PTPRD: variants seen among roughly 807,000 people sequenced by gnomAD.
PTPRD encodes the protein receptor-type tyrosine-protein phosphatase delta.
Under a neutral mutation model 214.5 loss-of-function variants are expected in PTPRD, and 34 were observed. The observed-to-expected ratio is 0.16, with a 90% CI of 0.12 to 0.21. The LOEUF is 0.21. Among genes scored for constraint, PTPRD ranks in the 10% least tolerant of loss-of-function variants. The probability of loss-of-function intolerance (pLI) is 1.00; values close to 1 mark genes in which losing one functional copy is unlikely to be tolerated. For missense variants in PTPRD, 2,545 were observed against 2,398.7 expected, an observed-to-expected ratio of 1.06 and a Z score of -1.27; for synonymous variants, 1,128 against 845.7, an observed-to-expected ratio of 1.33 and a Z score of -5.79.
intron 3 of PTPRD, among the ~76,000 whole-genome samples, chr9:10,039,352 T>C (rs1282682702): frequency 2.0e-5 from 3 of 152,074 alleles, no homozygotes; most frequent in Non-Finnish European, 4.4e-5. Context: ...CTATAGCCAA[T>C]TATTTGAATG....
chr9:8,520,247 T>C (rs2097861456), intron 20 of PTPRD, among the ~76,000 whole-genome samples: 1 of 152,212 alleles, frequency 6.6e-6, no homozygotes, highest in Admixed American at 6.5e-5. Flanking sequence ...GTGCTTATTA[T>C]ATTAAGGTTA....
chr9:8,473,055 G>A (rs1444991368), intron 30 of PTPRD, among the ~76,000 whole-genome samples: 1 of 152,182 alleles, frequency 6.6e-6, no homozygotes, highest in African/African-American at 2.4e-5. Flanking sequence ...AGGCCGGAGA[G>A]ACGCATCTGA....
intron 2 of PTPRD, among the ~76,000 whole-genome samples, chr9:10,598,704 G>GT (rs57813093): frequency 0.11 from 12,212 of 108,546 alleles, 688 homozygotes; most frequent in East Asian, 0.28. Flanking sequence ...GTGTGTGTGT[G>GT]GTGTGTGGTG....
chr9:9,275,057 A>AT (rs1372603285), intron 9 of PTPRD, among the ~76,000 whole-genome samples: 5 of 65,954 alleles, frequency 7.6e-5, no homozygotes, highest in Admixed American at 2.4e-4. Context: ...ATATATATGT[A>AT]TATATATATT....
At chr9:9,944,825 A>T (rs903195846) in intron 4 of PTPRD, among the ~76,000 whole-genome samples, 3 of 152,128 alleles carry the variant, frequency 2.0e-5, no homozygotes, top group African/African-American at 7.2e-5. Flanking sequence ...TTTTACTTCA[A>T]ATGAAATGGA....
intron 3 of PTPRD, among the ~76,000 whole-genome samples, chr9:10,150,530 A>C (rs2099053723): frequency 6.6e-6 from 1 of 152,014 alleles, no homozygotes; most frequent in South Asian, 2.1e-4. Context: ...AGGAGGGGGG[A>C]GGGATAGCAT....
chr9:9,797,339 G>A (rs934184022), intron 5 of PTPRD, among the ~76,000 whole-genome samples: 3 of 138,234 alleles, frequency 2.2e-5, no homozygotes, highest in Admixed American at 7.9e-5. Flanking sequence ...TATTTTATAA[G>A]AAAATACTAT....
intron 3 of PTPRD, among the ~76,000 whole-genome samples, chr9:10,221,441 CT>C (rs2099570814): frequency 6.6e-6 from 1 of 151,914 alleles, no homozygotes; most frequent in Non-Finnish European, 1.5e-5. Flanking sequence ...AAGCTTCCAA[CT>C]TTCATTTGTA....
chr9:10,085,682 A>G (rs1211589578), intron 3 of PTPRD, among the ~76,000 whole-genome samples: 1 of 151,816 alleles, frequency 6.6e-6, no homozygotes, highest in Non-Finnish European at 1.5e-5. Context: ...ACACATTCAT[A>G]GACACATACA....
At chr9:9,043,768 G>T (rs1045472809) in intron 10 of PTPRD, among the ~76,000 whole-genome samples, 2 of 152,006 alleles carry the variant, frequency 1.3e-5, no homozygotes, top group Non-Finnish European at 2.9e-5. Context: ...GCTGGAGGTG[G>T]TGGTTTGTGC....
intron 7 of PTPRD, among the ~76,000 whole-genome samples, chr9:9,649,931 T>A (rs974305616): frequency 6.6e-6 from 1 of 152,294 alleles, no homozygotes; most frequent in East Asian, 1.9e-4. Context: ...AATGTGATAG[T>A]ATACTGTGCT....
At chr9:8,820,470 T>G (rs2097029921) in intron 11 of PTPRD, among the ~76,000 whole-genome samples, 1 of 152,194 alleles carries the variant, frequency 6.6e-6, no homozygotes, top group Non-Finnish European at 1.5e-5. Flanking sequence ...ATTCATTAGT[T>G]AATTATAAAA....
At chr9:10,147,491 T>C (rs903488732) in intron 3 of PTPRD, among the ~76,000 whole-genome samples, 8 of 152,202 alleles carry the variant, frequency 5.3e-5, no homozygotes, top group African/African-American at 1.7e-4. Context: ...CCTTTGCTTA[T>C]TAAATAACAC....
intron 2 of PTPRD, among the ~76,000 whole-genome samples, chr9:10,556,941 C>CG (rs1266281080): frequency 6.6e-6 from 1 of 152,038 alleles, no homozygotes; most frequent in East Asian, 1.9e-4. Flanking sequence ...CGGGTAAGTA[C>CG]AAGTAATATA....
intron 3 of PTPRD, among the ~76,000 whole-genome samples, chr9:10,173,959 T>A (rs906799678): frequency 2.0e-5 from 3 of 152,228 alleles, no homozygotes; most frequent in Admixed American, 1.3e-4. Flanking sequence ...GGAAAATTCT[T>A]TCCTACCATG....
rs142267315 is a variant in PTPRD at position 10,351,454 on chromosome 9, T to C, written c.-599-10437A>G. ...CTTTGTAGAAAAGGGAATGGATTTG[T>C]TCAAATGGGACCTCTTACTCACCAT... On this transcript the variant is annotated intron_variant, in intron 2 of 45. Coordinates refer to ENST00000381196, the MANE Select transcript of PTPRD (RefSeq NM_002839.4). 4.3e-3 allele frequency among the ~76,000 whole-genome samples: 657 copies of C among 152,216 alleles called. 2 individuals carry two copies. The highest frequency in any genetic ancestry group is 0.015 in the African/African-American group (627 of 41,560).
At chr9:9,241,718 T>A (rs1005230265) in intron 9 of PTPRD, among the ~76,000 whole-genome samples, 3 of 151,804 alleles carry the variant, frequency 2.0e-5, no homozygotes, top group African/African-American at 7.3e-5. Context: ...TCCAACCCTT[T>A]ATTCTGAGCC....
intron 15 of PTPRD, among the ~76,000 whole-genome samples, chr9:8,527,792 A>G (rs1462288503): frequency 6.6e-6 from 1 of 152,098 alleles, no homozygotes; most frequent in Non-Finnish European, 1.5e-5. Context: ...GAAAAGGAGA[A>G]AAGGGTAAAG....
chr9:8,564,230 T>C (rs1395161031), intron 14 of PTPRD, among the ~76,000 whole-genome samples: 2 of 152,114 alleles, frequency 1.3e-5, no homozygotes, highest in Non-Finnish European at 2.9e-5. Flanking sequence ...ATGTTTAAAA[T>C]TGGGTAGGCT....
Sources: gnomAD v4.1 joint callset for allele counts (sites outside exome capture counted in the v4.1 genomes callset) on GRCh38, gnomAD v4.1.1 for gene constraint, MANE v1.5 for transcripts, NCBI Gene and HGNC (gene_info 2026-07-23, HGNC 2026-07-21) for gene names.